Variants in GLIPR1 observed in about 807,000 individuals in gnomAD.
GLIPR1 encodes the protein GLI pathogenesis related 1.
In GLIPR1, 38 loss-of-function variants were observed where a neutral mutation model predicts 30.3. The ratio of observed to expected loss-of-function variants is 1.26; its 90% CI spans 0.97 to 1.65. The LOEUF (loss-of-function observed/expected upper bound fraction) is 1.65, where lower values mean the gene tolerates loss of function less well. Ranked by LOEUF, GLIPR1 falls within the 40% of genes most tolerant of loss-of-function variation. GLIPR1 has a pLI of 0.00. For missense variants in GLIPR1, 285 were observed against 326.5 expected, an observed-to-expected ratio of 0.87 and a Z score of 0.98; for synonymous variants, 122 against 110.6, an observed-to-expected ratio of 1.10 and a Z score of -0.65.
chr12:75,490,577 C>A (rs55711930), intron 3 of GLIPR1, 59 bp downstream of exon 3: 5,720 of 133,098 alleles, frequency 0.043, 1,675 homozygotes, highest in African/African-American at 0.11. Context: ...CAAAAAAAAA[C>A]AACAACAAAA....
chr12:75,482,012 A>T lies in GLIPR1; in HGVS notation c.353A>T (p.Tyr118Phe). 6.2e-7 allele frequency: 1 copy of T among 1,614,110 alleles called. No individual in the cohort carries two copies. The highest frequency in any genetic ancestry group is 8.5e-7 in the Non-Finnish European group (1 of 1,179,954). Residue 118 changes from tyrosine to phenylalanine, a missense_variant, in exon 2 of 6, where the codon TAT becomes TTT. Transcript: ENST00000266659. The part of the protein sequence containing the change: ...FSVSSAITNW[Y>F]DEIQDYDFKT... ...GTGTCTTCCGCCATCACAAACTGGT[A>T]TGACGAAATCCAGGACTATGACTTC...
Position 75,499,781 on chromosome 12 carries a change from T to C in GLIPR1, c.*803T>C, listed in dbSNP as rs201268191. The C allele has an allele frequency of 6.8e-5, 105 of 1,545,348 alleles. No homozygotes were observed. Among genetic ancestry groups the C allele is most frequent in the Non-Finnish European group, 8.7e-5 (100 of 1,144,968 alleles). On this transcript the variant is annotated 3_prime_UTR_variant, in exon 6 of 6. Transcript: ENST00000266659. ...TCTCAAAATCCTTTACAAAAGGAGA[T>C]AGTTCTAGTCAAGGAGTTTTGGGTA...
chr12:75,501,915 T>C lies in GLIPR1; in HGVS notation c.*2937T>C, dbSNP rs1014136827. ...CTATTCATGTGAGCCAGACATAAAG[T>C]GCCGTACCTTTATTGCTTCCATTTT... On this transcript the variant is annotated 3_prime_UTR_variant, in exon 6 of 6. Transcript: ENST00000266659. 1 of 1,607,554 alleles carries C rather than the reference T, an allele frequency of 6.2e-7. No homozygotes were observed. Among genetic ancestry groups the C allele is most frequent in the Non-Finnish European group, 8.5e-7 (1 of 1,177,824 alleles).
Position 75,498,872 on chromosome 12 carries a change from G to A in GLIPR1, c.695G>A (p.Arg232Lys). ...YPGWPIYPRNRYTSLFLIVNS... is the reference protein window; with the variant it reads ...YPGWPIYPRNKYTSLFLIVNS... ...GGCTGGCCCATATATCCACGTAACA[G>A]ATACACTTCTCTCTTTCTCATTGTT... is the stretch of plus-strand genomic sequence containing the variant. The change falls in exon 6 of 6, where the codon AGA becomes AAA. Residue 232 changes from arginine to lysine, a missense_variant. Physicochemically the swap from Arg to Lys is conservative, Grantham distance 26. Transcript: ENST00000266659. The A allele has an allele frequency of 1.2e-6, 2 of 1,611,210 alleles. No homozygotes were observed. Among genetic ancestry groups the A allele is most frequent in the African/African-American group, 1.3e-5 (1 of 74,924 alleles).
In GLIPR1 at chr12:75,503,851, AAAT is replaced by A; in HGVS notation, c.*4875_*4877del. 6.7e-7 allele frequency: 1 copy of A among 1,485,680 alleles called. No individual in the cohort carries two copies. The highest frequency in any genetic ancestry group is 9.1e-7 in the Non-Finnish European group (1 of 1,093,976). 92.0% of individuals were successfully genotyped at this position (1,485,680 alleles called of 1,614,324 possible). A position where few individuals can be genotyped will look rare whatever the true frequency, so the allele number is the denominator to read the frequency against. The stretch of plus-strand genomic sequence containing the variant: ...AATACTTTCAATAAAGTTTCTGACC[AAAT>A]ACATTAAAATAGATTCTCCTTCATA... On this transcript the variant is annotated 3_prime_UTR_variant, in exon 6 of 6. Transcript: ENST00000266659.
At position 75,500,112 on chromosome 12, in the gene GLIPR1, C is replaced by A; in HGVS notation, c.*1134C>A. Reference sequence around the variant, plus strand: ...GATCACAGTATAAAATATAAAAACACTTGCCTAAAGCAGTTAGAAATTTCT... The same window carrying A: ...GATCACAGTATAAAATATAAAAACAATTGCCTAAAGCAGTTAGAAATTTCT... On this transcript the variant is annotated 3_prime_UTR_variant, in exon 6 of 6. Coordinates refer to ENST00000266659, the MANE Select transcript of GLIPR1 (RefSeq NM_006851.3). The A allele has an allele frequency of 1.9e-6, 1 of 517,124 alleles. No individual in the cohort carries two copies. Among genetic ancestry groups the A allele is most frequent in the Non-Finnish European group, 3.2e-6 (1 of 311,576 alleles). The allele number at this position is 517,124 out of a possible 1,614,324, so 32.0% of individuals were successfully genotyped here.
intron 3 of GLIPR1, chr12:75,492,768 G>C (rs375305041): frequency 2.0e-5 from 3 of 152,146 alleles, no homozygotes; most frequent in African/African-American, 7.2e-5. Context: ...AAGGAGAACA[G>C]GGCAGTCTCT....
intron 3 of GLIPR1, chr12:75,494,511 G>T (rs1215262307): frequency 6.6e-6 from 1 of 152,102 alleles, no homozygotes; most frequent in Non-Finnish European, 1.5e-5. Context: ...TAATAGAGAA[G>T]CACATATTAC....
chr12:75,499,028 CTTTT>C lies in GLIPR1; in HGVS notation c.*56_*59del. ...AAAAACCAACCTCATTCACATATGG[CTTTT>C]TTTTTAACCAATAACAATTAGGTGT... On this transcript the variant is annotated 3_prime_UTR_variant, in exon 6 of 6. Coordinates refer to ENST00000266659, the MANE Select transcript of GLIPR1 (RefSeq NM_006851.3). 2.4e-6 allele frequency: 3 copies of C among 1,269,616 alleles called. No homozygotes were observed. The highest frequency in any genetic ancestry group is 3.2e-6 in the Non-Finnish European group (3 of 932,520). The allele number at this position is 1,269,616 out of a possible 1,614,324, so 78.6% of individuals were successfully genotyped here. A position where few individuals can be genotyped will look rare whatever the true frequency, so the allele number is the denominator to read the frequency against.
At chr12:75,497,004 G>C (rs530896228) in intron 4 of GLIPR1, 1 of 152,118 alleles carries the variant, frequency 6.6e-6, no homozygotes, top group African/African-American at 2.4e-5. Context: ...TGTATTCACT[G>C]AATTCTTCCT....
Position 75,499,648 on chromosome 12 carries a change from A to ATAAT in GLIPR1, c.*671_*674dup, listed in dbSNP as rs2046376817. 2.6e-6 allele frequency: 1 copy of ATAAT among 387,026 alleles called. No homozygotes were observed. The highest frequency in any genetic ancestry group is 4.5e-5 in the East Asian group (1 of 22,074). 24.0% of individuals were successfully genotyped at this position (387,026 alleles called of 1,614,324 possible). On this transcript the variant is annotated 3_prime_UTR_variant, in exon 6 of 6. Transcript: ENST00000266659. Reference sequence around the variant, plus strand: ...TCGTATAAATTTTTCAAAAAATACAATAATAATATAATTTATAAAGAACAC... The same window carrying ATAAT: ...TCGTATAAATTTTTCAAAAAATACAATAATTAATAATATAATTTATAAAGAACAC...
At chr12:75,487,310 C>A (rs1340745501) in intron 2 of GLIPR1, among the ~76,000 whole-genome samples, 1 of 152,092 alleles carries the variant, frequency 6.6e-6, no homozygotes, top group Non-Finnish European at 1.5e-5. Flanking sequence ...ACAAAGGACC[C>A]CACATAAAAT....
At chr12:75,490,067 G>A (rs140749123) in intron 2 of GLIPR1, among the ~76,000 whole-genome samples, 30 of 152,034 alleles carry the variant, frequency 2.0e-4, no homozygotes, top group South Asian at 6.2e-4. Flanking sequence ...CTGCATCCTC[G>A]TCGTCCAAGT....
chr12:75,490,331 T>C (rs1296668590), intron 2 of GLIPR1, 75 bp from the exon 3 acceptor site: 2 of 823,962 alleles, frequency 2.4e-6, no homozygotes, highest in East Asian at 2.5e-5. Flanking sequence ...TACCTCACCA[T>C]GTTTATGAAG....
chr12:75,482,740 T>C lies in GLIPR1; in HGVS notation c.420+661T>C, dbSNP rs180804964. On this transcript the variant is annotated intron_variant, in intron 2 of 5. Coordinates refer to ENST00000266659, the MANE Select transcript of GLIPR1 (RefSeq NM_006851.3). The stretch of plus-strand genomic sequence containing the variant: ...TTTTTTTTTTTTTTTTAATTTTTAC[T>C]CAAGCTGATTCTGGCTCCCTAACCC... 3.4e-3 allele frequency among the ~76,000 whole-genome samples: 519 copies of C among 150,760 alleles called. 1 individual carries two copies. Among genetic ancestry groups the C allele is most frequent in the African/African-American group, 0.012 (475 of 40,964 alleles).
chr12:75,493,526 GGAGA>G (rs1238524965), intron 3 of GLIPR1: 1 of 152,140 alleles, frequency 6.6e-6, no homozygotes, highest in African/African-American at 2.4e-5. Flanking sequence ...GATTAGTGGA[GGAGA>G]GGATTATAGC....
rs1367981494 is a variant in GLIPR1, at chr12:75,500,605, A to AAT, written c.*1627_*1628insAT. The AAT allele has an allele frequency of 1.2e-4, 18 of 152,038 alleles. No individual in the cohort carries two copies. The highest frequency in any genetic ancestry group is 2.5e-4 in the Non-Finnish European group (17 of 67,970). 9.4% of individuals were successfully genotyped at this position (152,038 alleles called of 1,614,324 possible). On this transcript the variant is annotated 3_prime_UTR_variant, in exon 6 of 6. Coordinates refer to ENST00000266659, the MANE Select transcript of GLIPR1 (RefSeq NM_006851.3). ...TAACAACATTTTGGTAATAAAGACA[A>AAT]TAATTTGAGAGTGTGTGGAAGTCCC...
At chr12:75,484,268 T>G (rs2046283815) in intron 2 of GLIPR1, 1 of 152,194 alleles carries the variant, frequency 6.6e-6, no homozygotes, top group Non-Finnish European at 1.5e-5. Context: ...CCCCCTGGGC[T>G]GGGAAGATAG....
At chr12:75,484,611 G>A (rs561453582) in intron 2 of GLIPR1, 1 of 152,208 alleles carries the variant, frequency 6.6e-6, no homozygotes, top group Non-Finnish European at 1.5e-5. Flanking sequence ...AGTCAATGAA[G>A]GGAGATGGGG....
Sources: allele counts gnomAD v4.1 joint callset (sites outside exome capture counted in the v4.1 genomes callset), GRCh38; gene constraint gnomAD v4.1.1; transcripts MANE v1.5; gene names NCBI Gene and HGNC (gene_info 2026-07-23, HGNC 2026-07-21).